Variants in ARFGEF3 observed in about 807,000 individuals in gnomAD.
ARFGEF3 encodes the protein brefeldin A-inhibited guanine nucleotide-exchange protein 3.
Under a neutral mutation model 221.7 loss-of-function variants are expected in ARFGEF3, and 96 were observed. The observed-to-expected ratio is 0.43, with a 90% confidence interval of 0.37 to 0.51. The LOEUF is 0.51. Ranked by LOEUF, ARFGEF3 falls within the 20% of genes least tolerant of loss-of-function variation. The pLI is 0.00. For synonymous variants in ARFGEF3, 1,145 were observed against 1,126.8 expected (o/e 1.02, Z -0.32); for missense variants, 2,410 against 2,789.9 (o/e 0.86, Z 3.07).
chr6:138,164,184 C>T (rs542492931), intron 1 of ARFGEF3, among the ~76,000 whole-genome samples: 2 of 152,084 alleles, frequency 1.3e-5, no homozygotes, highest in Admixed American at 6.5e-5. Context: ...TTCCACTGCC[C>T]GTCACTGTTT....
chr6:138,244,595 A>C (rs932794846), intron 7 of ARFGEF3, among the ~76,000 whole-genome samples: 1 of 152,206 alleles, frequency 6.6e-6, no homozygotes, highest in Non-Finnish European at 1.5e-5. Context: ...TAGTTGCTGG[A>C]AACTAGAACA....
chr6:138,329,322 G>A (rs903858344), intron 32 of ARFGEF3, among the ~76,000 whole-genome samples: 5 of 152,016 alleles, frequency 3.3e-5, no homozygotes, highest in African/African-American at 9.7e-5. Context: ...GAGAGGCTTG[G>A]GTCCTTTGCC....
rs771741693 is a variant in ARFGEF3 at position 138,263,126 on chromosome 6, T to C, written c.1643T>C (p.Leu548Pro). The change falls in exon 12 of 34, where the codon CTG becomes CCG. Residue 548 changes from leucine to proline, a missense_variant. By Grantham distance (98) the Leu-to-Pro change is moderately conservative. Around this residue, in one of 5 missense-constraint regions of ARFGEF3, gnomAD observed 594 missense variants for 734.3 expected, o/e 0.81. Coordinates refer to ENST00000251691, the MANE Select transcript of ARFGEF3 (RefSeq NM_020340.5). ...GCCATCCCAGAGGGTAAGGAGACGCTGAGCAAAGTATTGGAAACAGAGGCG... is the reference window on the plus strand; with the variant it reads ...GCCATCCCAGAGGGTAAGGAGACGCCGAGCAAAGTATTGGAAACAGAGGCG... The part of the protein sequence containing the change: ...SPAIPEGKET[L>P]SKVLETEAVD... 12 of 1,613,828 alleles carry C rather than the reference T, an allele frequency of 7.4e-6. No homozygotes were observed. Among genetic ancestry groups the C allele is most frequent in the Admixed American group, 1.7e-5 (1 of 59,998 alleles).
intron 1 of ARFGEF3, among the ~76,000 whole-genome samples, chr6:138,163,490 G>A (rs1776659038): frequency 6.6e-6 from 1 of 152,194 alleles, no homozygotes; most frequent in Non-Finnish European, 1.5e-5. Context: ...GGTCACAGAT[G>A]GCTGGGTAAC....
chr6:138,208,186 A>G (rs1777657921), intron 3 of ARFGEF3, among the ~76,000 whole-genome samples: 1 of 151,940 alleles, frequency 6.6e-6, no homozygotes, highest in Non-Finnish European at 1.5e-5. Context: ...GCAGTGCCAT[A>G]TTTTCAAGGG....
chr6:138,242,478 T>A (rs773532129), intron 6 of ARFGEF3, among the ~76,000 whole-genome samples: 4 of 152,202 alleles, frequency 2.6e-5, no homozygotes, highest in Admixed American at 2.6e-4. Flanking sequence ...TTTGGACCTG[T>A]ATTTTGAAGT....
At chr6:138,292,095 C>T (rs769856845) in intron 19 of ARFGEF3, 42 bp downstream of exon 19, 3 of 1,362,922 alleles carry the variant, frequency 2.2e-6, no homozygotes, top group Non-Finnish European at 2.8e-6. Flanking sequence ...GCCTGCTTAC[C>T]AGGCGACACC....
chr6:138,326,139 G>A (rs1489411744), intron 31 of ARFGEF3, among the ~76,000 whole-genome samples: 3 of 152,278 alleles, frequency 2.0e-5, no homozygotes, highest in African/African-American at 7.2e-5. Flanking sequence ...TTACAGGCAT[G>A]AGCCACTGCA....
At chr6:138,207,199 C>A in intron 3 of ARFGEF3, 76 bp downstream of exon 3, 1 of 1,074,014 alleles carries the variant, frequency 9.3e-7, no homozygotes, top group Non-Finnish European at 1.4e-6. Flanking sequence ...AAATAGTTAA[C>A]ATTTTAAATA....
rs1583034172 is a variant in ARFGEF3 at position 138,255,497 on chromosome 6, A to C, written c.832A>C (p.Thr278Pro). 1 of 1,613,034 alleles carries C rather than the reference A, an allele frequency of 6.2e-7. No individual in the cohort carries two copies. Among genetic ancestry groups the C allele is most frequent in the Non-Finnish European group, 8.5e-7 (1 of 1,179,402 alleles). The change falls in exon 10 of 34, where the codon ACC becomes CCC. Residue 278 changes from threonine to proline, a missense_variant. Thr to Pro is a conservative substitution (Grantham distance 38). Coordinates refer to ENST00000251691, the MANE Select transcript of ARFGEF3 (RefSeq NM_020340.5). ...GAATCCAATTCATGACAAAACCATC[A>C]CCTCTGCTCACACCAGCAGCACCAG... Reference protein sequence around the residue: ...LGNPIHDKTITSAHTSSTSTS... With the variant: ...LGNPIHDKTIPSAHTSSTSTS...
chr6:138,325,906 T>TG (rs1422659561), intron 31 of ARFGEF3, among the ~76,000 whole-genome samples: 1 of 152,202 alleles, frequency 6.6e-6, no homozygotes, highest in Non-Finnish European at 1.5e-5. Flanking sequence ...TCACCCAGGC[T>TG]GGAGTGCAGG....
chr6:138,174,469 TAAAAAAAAAAAA>T lies in ARFGEF3; in HGVS notation c.137+3783_137+3794del, dbSNP rs35236693. ...GGCATCCTTCTATTTGAGCATCTGC[TAAAAAAAAAAAA>T]AAAAAAAAAAAAAAAAAAAAAAAAA... is the stretch of plus-strand genomic sequence containing the variant. On this transcript the variant is annotated intron_variant, in intron 2 of 33. Coordinates refer to ENST00000251691, the MANE Select transcript of ARFGEF3 (RefSeq NM_020340.5). 6.4e-3 allele frequency among the ~76,000 whole-genome samples: 161 copies of T among 25,300 alleles called. 1 individual carries two copies. Among genetic ancestry groups the T allele is most frequent in the Middle Eastern group, 0.036 (1 of 28 alleles). The allele number at this position is 25,300 out of a possible 152,430, so 16.6% of individuals were successfully genotyped here.
chr6:138,329,641 G>A (rs1407650167), intron 32 of ARFGEF3, among the ~76,000 whole-genome samples: 1 of 152,188 alleles, frequency 6.6e-6, no homozygotes. Flanking sequence ...TCCAGCCTGG[G>A]TGATAGAGTG....
chr6:138,280,348 C>A (rs1779176733), intron 14 of ARFGEF3, among the ~76,000 whole-genome samples, 184 bp downstream of exon 14: 1 of 152,138 alleles, frequency 6.6e-6, no homozygotes, highest in Non-Finnish European at 1.5e-5. Flanking sequence ...GTTTTCTGTC[C>A]CTTTTCCATG....
intron 15 of ARFGEF3, 93 bp from the exon 16 acceptor site, chr6:138,286,608 G>C (rs1446505935): frequency 1.1e-6 from 1 of 946,362 alleles, no homozygotes; most frequent in East Asian, 2.4e-5. Context: ...ATGCAACTGA[G>C]TACTGCTCAT....
At position 138,280,106 on chromosome 6, in the gene ARFGEF3, G is replaced by A. The variant is rs1485883426; in HGVS notation, c.2403G>A (p.Glu801=). ...HQVLDRNMLG[E]AGYWGSPEDN... ...TGCTCGACAGGAACATGCTTGGAGAGGCTGGCTATTGGGGCAGCCCAGAAG... is the reference window on the plus strand; with the variant it reads ...TGCTCGACAGGAACATGCTTGGAGAAGCTGGCTATTGGGGCAGCCCAGAAG... The change falls in exon 14 of 34, where the codon GAG becomes GAA. Residue 801 remains glutamate (E), a synonymous_variant. Coordinates refer to ENST00000251691, the MANE Select transcript of ARFGEF3 (RefSeq NM_020340.5). 35 of 1,613,820 alleles carry A rather than the reference G, an allele frequency of 2.2e-5. No homozygotes were observed. Among genetic ancestry groups the A allele is most frequent in the Non-Finnish European group, 2.9e-5 (34 of 1,179,826 alleles).
intron 2 of ARFGEF3, among the ~76,000 whole-genome samples, chr6:138,192,640 G>A (rs943388988): frequency 1.2e-4 from 19 of 152,234 alleles, no homozygotes; most frequent in African/African-American, 4.6e-4. Flanking sequence ...GGATTGGTCT[G>A]CAGGCTGAGG....
chr6:138,250,854 AT>A (rs772688077), intron 8 of ARFGEF3, among the ~76,000 whole-genome samples: 137 of 152,274 alleles, frequency 9.0e-4, no homozygotes, highest in Middle Eastern at 3.4e-3. Flanking sequence ...AAGTAGACAG[AT>A]TTTTCCCTCA....
At chr6:138,169,019 T>G (rs879562675) in intron 1 of ARFGEF3, among the ~76,000 whole-genome samples, 1 of 152,188 alleles carries the variant, frequency 6.6e-6, no homozygotes, top group Non-Finnish European at 1.5e-5. Context: ...TCAGGCCCTT[T>G]ATGATCATGA....
Sources: allele counts gnomAD v4.1 joint callset (sites outside exome capture counted in the v4.1 genomes callset), GRCh38; gene constraint gnomAD v4.1.1; regional missense constraint gnomAD v4.1.1; transcripts MANE v1.5; gene names NCBI Gene and HGNC (gene_info 2026-07-23, HGNC 2026-07-21).